Variants in PRKCA observed in about 807,000 individuals in gnomAD.
PRKCA encodes the protein protein kinase C alpha type.
In PRKCA, 27 loss-of-function variants were observed where a neutral mutation model predicts 87.0. The ratio of observed to expected loss-of-function variants is 0.31; its 90% CI spans 0.23 to 0.43. PRKCA has a LOEUF of 0.43. Ranked by LOEUF, PRKCA falls within the 20% of genes least tolerant of loss-of-function variation. The pLI is 1.00. For missense variants in PRKCA, 518 were observed against 852.3 expected (o/e 0.61, Z 4.88); for synonymous variants, 329 against 311.1 (o/e 1.06, Z -0.61).
chr17:66,797,323 A>G (rs1049167341), intron 16 of PRKCA, among the ~76,000 whole-genome samples: 1 of 152,262 alleles, frequency 6.6e-6, no homozygotes, highest in South Asian at 2.1e-4. Flanking sequence ...TAACATCTTT[A>G]CCAATGCCTG....
At chr17:66,502,717 C>T (rs556413698) in intron 3 of PRKCA, among the ~76,000 whole-genome samples, 13 of 152,144 alleles carry the variant, frequency 8.5e-5, no homozygotes, top group Admixed American at 7.2e-4. Flanking sequence ...TGCAGTGGTG[C>T]GATCTCGGCT....
chr17:66,628,686 T>G (rs970880308), intron 3 of PRKCA, among the ~76,000 whole-genome samples: 1 of 152,176 alleles, frequency 6.6e-6, no homozygotes, highest in Non-Finnish European at 1.5e-5. Context: ...AAACTGCACA[T>G]TTCGATTTTT....
chr17:66,512,347 CAGG>C, intron 3 of PRKCA, among the ~76,000 whole-genome samples: 1 of 152,088 alleles, frequency 6.6e-6, no homozygotes, highest in East Asian at 1.9e-4. Flanking sequence ...GTGGCTGAGG[CAGG>C]AGAATTGCTT....
intron 8 of PRKCA, among the ~76,000 whole-genome samples, chr17:66,717,927 G>A (rs1363116333): frequency 2.0e-5 from 3 of 152,228 alleles, no homozygotes; most frequent in African/African-American, 7.2e-5. Flanking sequence ...CAAGTAGCAG[G>A]TGTTGACCCA....
intron 3 of PRKCA, among the ~76,000 whole-genome samples, chr17:66,522,151 G>T (rs1359193659): frequency 2.6e-5 from 4 of 152,154 alleles, no homozygotes; most frequent in Admixed American, 2.6e-4. Flanking sequence ...CCTGGGCGAC[G>T]GGTCCTGCAG....
At chr17:66,401,838 C>T (rs947998428) in intron 2 of PRKCA, among the ~76,000 whole-genome samples, 1 of 152,164 alleles carries the variant, frequency 6.6e-6, no homozygotes, top group Non-Finnish European at 1.5e-5. Context: ...TGAGGGTGGA[C>T]AGGATCAATT....
At chr17:66,479,990 C>T (rs1915707108) in intron 2 of PRKCA, among the ~76,000 whole-genome samples, 1 of 125,298 alleles carries the variant, frequency 8.0e-6, no homozygotes, top group African/African-American at 3.6e-5. Flanking sequence ...CATAGATACC[C>T]CTGAACTTAA....
At chr17:66,527,595 C>G (rs576104335) in intron 3 of PRKCA, among the ~76,000 whole-genome samples, 1 of 152,190 alleles carries the variant, frequency 6.6e-6, no homozygotes, top group East Asian at 1.9e-4. Context: ...TGCCGCAGAC[C>G]TTTGTCTGCT....
intron 13 of PRKCA, among the ~76,000 whole-genome samples, chr17:66,761,242 T>C (rs1288963138): frequency 6.6e-6 from 1 of 151,332 alleles, no homozygotes; most frequent in Non-Finnish European, 1.5e-5. Context: ...TGGTGGCGTG[T>C]GCCTGTGGTC....
chr17:66,738,152 G>T (rs2144222468), intron 10 of PRKCA, among the ~76,000 whole-genome samples: 1 of 152,304 alleles, frequency 6.6e-6, no homozygotes, highest in East Asian at 1.9e-4. Context: ...GCCTACCAGT[G>T]ACAGAGAAAA....
chr17:66,360,592 A>G (rs1908334723), intron 2 of PRKCA, among the ~76,000 whole-genome samples: 2 of 152,200 alleles, frequency 1.3e-5, no homozygotes, highest in Admixed American at 1.3e-4. Context: ...GCAGCTGGGA[A>G]CAGGGATACT....
intron 2 of PRKCA, among the ~76,000 whole-genome samples, chr17:66,458,703 A>T (rs1043776330): frequency 6.6e-6 from 1 of 151,214 alleles, no homozygotes; most frequent in Non-Finnish European, 1.5e-5. Context: ...TTGGTCTCAA[A>T]CTCCTGAGCT....
At chr17:66,793,809 C>T (rs1333138984) in intron 16 of PRKCA, among the ~76,000 whole-genome samples, 3 of 152,016 alleles carry the variant, frequency 2.0e-5, no homozygotes, top group Non-Finnish European at 2.9e-5. Flanking sequence ...GAAGGCTCAC[C>T]GAGGGAAGGA....
At chr17:66,538,521 C>T (rs1207418792) in intron 3 of PRKCA, among the ~76,000 whole-genome samples, 1 of 152,160 alleles carries the variant, frequency 6.6e-6, no homozygotes, top group Non-Finnish European at 1.5e-5. Flanking sequence ...CGAGAAGTGT[C>T]TGTGGCAGCT....
intron 2 of PRKCA, among the ~76,000 whole-genome samples, chr17:66,493,189 AG>A (rs1345549643): frequency 1.3e-5 from 2 of 152,210 alleles, no homozygotes; most frequent in Non-Finnish European, 2.9e-5. Flanking sequence ...TTACCTTAAA[AG>A]AAAACCCTTT....
chr17:66,779,047 A>C (rs1465967453), intron 14 of PRKCA, among the ~76,000 whole-genome samples: 10 of 152,156 alleles, frequency 6.6e-5, no homozygotes, highest in Admixed American at 2.0e-4. Flanking sequence ...CACTCAGCTC[A>C]GAAAGGATAA....
At chr17:66,325,693 G>A (rs1011816022) in intron 2 of PRKCA, among the ~76,000 whole-genome samples, 2 of 152,120 alleles carry the variant, frequency 1.3e-5, no homozygotes, top group African/African-American at 2.4e-5. Flanking sequence ...AGAGAAGAGA[G>A]AAAAAGCCCT....
chr17:66,668,309 A>AG (rs1405988312), intron 5 of PRKCA, among the ~76,000 whole-genome samples: 13 of 152,190 alleles, frequency 8.5e-5, no homozygotes, highest in Non-Finnish European at 1.8e-4. Context: ...TTATGTCCTG[A>AG]GGGTTAGCAG....
Position 66,550,650 on chromosome 17 carries a change from A to AAATC in PRKCA, c.288+54383_288+54386dup, listed in dbSNP as rs1016290475. On this transcript the variant is annotated intron_variant, in intron 3 of 16. Coordinates refer to ENST00000413366, the MANE Select transcript of PRKCA (RefSeq NM_002737.3). ...GGTGACAGAGTGAGACTCTGTCTCA[A>AAATC]AATCAATCAATCAATCAATAAGGCT... is the stretch of plus-strand genomic sequence containing the variant. Among the ~76,000 whole-genome samples the AAATC allele has an allele frequency of 5.3e-5, 8 of 152,226 alleles. No homozygotes were observed. The South Asian group carries it at 8.3e-4, about 16-fold the overall frequency.
Sources: gnomAD v4.1 joint callset for allele counts (sites outside exome capture counted in the v4.1 genomes callset) on GRCh38, gnomAD v4.1.1 for gene constraint, MANE v1.5 for transcripts, NCBI Gene and HGNC (gene_info 2026-07-23, HGNC 2026-07-21) for gene names.